ABL1: variants seen among roughly 807,000 people sequenced by gnomAD.
ABL1 encodes ABL proto-oncogene 1, non-receptor tyrosine kinase, also known as tyrosine-protein kinase ABL1.
Under a neutral mutation model 94.7 loss-of-function variants are expected in ABL1, and 11 were observed. That is an observed-to-expected ratio of 0.12 (90% CI 0.07 to 0.19). ABL1 has a LOEUF of 0.19. ABL1 is among the 10% of genes least tolerant of loss of function. The pLI is 1.00. For missense variants in ABL1, 1,082 were observed against 1,489.4 expected, an observed-to-expected ratio of 0.73 and a Z score of 4.50; for synonymous variants, 656 against 622.4, an observed-to-expected ratio of 1.05 and a Z score of -0.80.
intron 1 of ABL1, among the ~76,000 whole-genome samples, chr9:130,765,002 G>A (rs1832163896): frequency 6.6e-6 from 1 of 151,524 alleles, no homozygotes; most frequent in African/African-American, 2.4e-5. Context: ...AATTTGTAGT[G>A]TGCTGATTAA....
intron 1 of ABL1, among the ~76,000 whole-genome samples, chr9:130,807,022 C>T (rs920081255): frequency 2.6e-5 from 4 of 151,512 alleles, no homozygotes; most frequent in East Asian, 3.9e-4. Context: ...TAGTGGCGGG[C>T]GCCTGTAATC....
chr9:130,814,547 A>AT lies in ABL1; in HGVS notation c.137-39515dup, dbSNP rs796176144. On this transcript the variant is annotated intron_variant, in intron 1 of 10. Transcript: ENST00000372348. The surrounding 1 kb of genome is among the most constrained non-coding windows in gnomAD (Gnocchi z 4.4). ...TTGATCAGCAATCTAGAAGAAACAGATTCCTTGAATGACACAAACTACCAA... is the reference window on the plus strand; with the variant it reads ...TTGATCAGCAATCTAGAAGAAACAGATTTCCTTGAATGACACAAACTACCAA... Among the ~76,000 whole-genome samples, 14 of 152,288 alleles carry AT rather than the reference A, an allele frequency of 9.2e-5. No homozygotes were observed. The highest frequency in any genetic ancestry group is 3.1e-4 in the African/African-American group (13 of 41,600).
chr9:130,716,072 C>CT (rs71389339), intron 1 of ABL1, among the ~76,000 whole-genome samples: 2,078 of 91,154 alleles, frequency 0.023, 299 homozygotes, highest in Non-Finnish European at 0.039. Flanking sequence ...GAAAAATGTC[C>CT]TTTTTTTTTT....
chr9:130,713,757 G>T (rs1309933397), exon 1 of ABL1, among the ~76,000 whole-genome samples: 1 of 152,206 alleles, frequency 6.6e-6, no homozygotes, highest in Non-Finnish European at 1.5e-5. Flanking sequence ...TTTCGTCAGA[G>T]TCGAGGGCAA....
At position 130,769,329 on chromosome 9, in the gene ABL1, CTTTTT is replaced by C. The variant is rs372838676; in HGVS notation, c.136+54892_136+54896del. 8.7e-3 allele frequency among the ~76,000 whole-genome samples: 732 copies of C among 84,306 alleles called. 5 individuals carry two copies. Among genetic ancestry groups the C allele is most frequent in the African/African-American group, 0.033 (710 of 21,532 alleles). 55.3% of individuals were successfully genotyped at this position (84,306 alleles called of 152,430 possible). A position where few individuals can be genotyped will look rare whatever the true frequency, so the allele number is the denominator to read the frequency against. On this transcript the variant is annotated intron_variant, in intron 1 of 10. Coordinates refer to the ABL1 transcript ENST00000372348. ...TGGAGAGCCAAACTATGGCCCTAGT[CTTTTT>C]TTTTTTTTTTTTTTTTTGAGTTGGA... is the stretch of plus-strand genomic sequence containing the variant.
intron 1 of ABL1, among the ~76,000 whole-genome samples, chr9:130,800,547 C>G (rs1053858811): frequency 1.3e-5 from 2 of 152,134 alleles, no homozygotes; most frequent in African/African-American, 2.4e-5. Flanking sequence ...TTCCTTCCCT[C>G]AGCCTCTGGC....
intron 1 of ABL1, among the ~76,000 whole-genome samples, chr9:130,775,224 T>C (rs1331654948): frequency 1.3e-5 from 2 of 152,196 alleles, no homozygotes; most frequent in Non-Finnish European, 2.9e-5. Context: ...TCTCCAAACA[T>C]GATCTCACAA....
chr9:130,833,268 C>CTATA (rs1830515630), upstream of ABL1, among the ~76,000 whole-genome samples: 2 of 152,122 alleles, frequency 1.3e-5, no homozygotes, highest in African/African-American at 4.8e-5. Context: ...ATATGAAATG[C>CTATA]TATATAATGA....
intron 1 of ABL1, among the ~76,000 whole-genome samples, chr9:130,757,536 CTTTTTTTTTTTT>C (rs11411714): frequency 9.8e-6 from 1 of 101,886 alleles, no homozygotes; most frequent in African/African-American, 3.9e-5. Context: ...TACTCCAGGC[CTTTTTTTTTTTT>C]TTTTTTTTGA....
At chr9:130,802,658 T>G (rs1830071547) in intron 1 of ABL1, among the ~76,000 whole-genome samples, 1 of 152,216 alleles carries the variant, frequency 6.6e-6, no homozygotes, top group African/African-American at 2.4e-5. Context: ...ATGATTATAA[T>G]AGCTGCTTAA....
In ABL1 at chr9:130,880,268, C is replaced by A; in HGVS notation, c.1513+111C>A. 8.0e-7 allele frequency: 1 copy of A among 1,257,310 alleles called. No individual in the cohort carries two copies. The highest frequency in any genetic ancestry group is 1.7e-5 in the Admixed American group (1 of 57,246). 77.9% of individuals were successfully genotyped at this position (1,257,310 alleles called of 1,614,324 possible). ...GGTGAAAGTTCACAGACCAGCCTGT[C>A]CTGAGACCAGAAAGCTGGGCAGAGG... is the stretch of plus-strand genomic sequence containing the variant. On this transcript the variant is annotated intron_variant, in intron 9 of 10. Transcript: ENST00000318560. The surrounding 1 kb of genome is among the most constrained non-coding windows in gnomAD (Gnocchi z 4.4).
chr9:130,764,791 A>G (rs765473474), intron 1 of ABL1, among the ~76,000 whole-genome samples: 1 of 152,112 alleles, frequency 6.6e-6, no homozygotes, highest in East Asian at 1.9e-4. Flanking sequence ...CCCTGTCTCT[A>G]CTAAAAATAC....
At chr9:130,845,741 G>A (rs1448322623) in intron 1 of ABL1, among the ~76,000 whole-genome samples, 1 of 152,088 alleles carries the variant, frequency 6.6e-6, no homozygotes, top group Admixed American at 6.6e-5. Context: ...TATATTACAA[G>A]TTTTTAAAAG....
Position 130,855,193 on chromosome 9 carries a change from A to G in ABL1, c.549+97A>G, listed in dbSNP as rs946149554. 6 of 1,372,586 alleles carry G rather than the reference A, an allele frequency of 4.4e-6. No individual in the cohort carries two copies. In the African/African-American group the frequency reaches 8.7e-5, roughly 20 times the overall value. 85.0% of individuals were successfully genotyped at this position (1,372,586 alleles called of 1,614,324 possible). ...TAAATTATTGCAAGAAAGCTCAACC[A>G]AGAAGATGTTTAAAGAATCTTTCAG... On this transcript the variant is annotated intron_variant, in intron 3 of 10. Transcript: ENST00000318560.
Position 130,886,024 on chromosome 9 carries a change from A to C in ABL1, c.*341A>C. On this transcript the variant is annotated 3_prime_UTR_variant, in exon 11 of 11. Coordinates refer to ENST00000318560, the MANE Select transcript of ABL1 (RefSeq NM_005157.6). ...TCTCCAGGCCAGGTGGGAACGGCTG[A>C]TGTGGACTGTCTTTTTCATTTTTTT... 3.2e-6 allele frequency: 1 copy of C among 310,200 alleles called. No homozygotes were observed. Among genetic ancestry groups the C allele is most frequent in the South Asian group, 8.8e-5 (1 of 11,410 alleles). 19.2% of individuals were successfully genotyped at this position (310,200 alleles called of 1,614,324 possible). A position where few individuals can be genotyped will look rare whatever the true frequency, so the allele number is the denominator to read the frequency against.
At chr9:130,794,876 T>C (rs146890384) in intron 1 of ABL1, among the ~76,000 whole-genome samples, 76 of 152,308 alleles carry the variant, frequency 5.0e-4, no homozygotes, top group African/African-American at 1.7e-3. Flanking sequence ...AAAGTGTGCA[T>C]TTTAGAGTTC....
chr9:130,716,968 C>T (rs1437568172), intron 1 of ABL1, among the ~76,000 whole-genome samples: 2 of 152,026 alleles, frequency 1.3e-5, no homozygotes, highest in Non-Finnish European at 2.9e-5. Context: ...GTAATATTTA[C>T]AGATGCCATA....
At chr9:130,781,861 G>C (rs1390151927) in intron 1 of ABL1, among the ~76,000 whole-genome samples, 1 of 151,994 alleles carries the variant, frequency 6.6e-6, no homozygotes, top group African/African-American at 2.4e-5. Flanking sequence ...AGGTAATATA[G>C]AATAATGCAG....
At chr9:130,716,072 CTTTTT>C (rs71389339) in intron 1 of ABL1, among the ~76,000 whole-genome samples, 169 of 91,060 alleles carry the variant, frequency 1.9e-3, no homozygotes, top group African/African-American at 5.8e-3. Flanking sequence ...GAAAAATGTC[CTTTTT>C]TTTTTTTTTT....
Sources: gnomAD v4.1 joint callset for allele counts (sites outside exome capture counted in the v4.1 genomes callset) on GRCh38, gnomAD v4.1.1 for gene constraint, Gnocchi (gnomAD v3.1) non-coding constraint, MANE v1.5 for transcripts, NCBI Gene and HGNC (gene_info 2026-07-23, HGNC 2026-07-21) for gene names.